The following ANKRD36C variants were observed in gnomAD, a reference collection of about 807,000 sequenced individuals.
ANKRD36C encodes ankyrin repeat domain 36C.
Under a neutral mutation model 276.4 loss-of-function variants are expected in ANKRD36C, and 61 were observed. The ratio of observed to expected loss-of-function variants is 0.22; its 90% CI spans 0.18 to 0.27. ANKRD36C has a LOEUF of 0.27. ANKRD36C is among the 10% of genes least tolerant of loss of function. The probability of loss-of-function intolerance (pLI) is 1.00; values close to 1 mark genes in which losing one functional copy is unlikely to be tolerated. For missense variants in ANKRD36C, 1,447 were observed against 2,032.3 expected, an observed-to-expected ratio of 0.71 and a Z score of 5.54; for synonymous variants, 483 against 680.1, an observed-to-expected ratio of 0.71 and a Z score of 4.51.
At chr2:95,984,649 G>T (rs1678993205) in intron 3 of ANKRD36C, among the ~76,000 whole-genome samples, 1 of 151,862 alleles carries the variant, frequency 6.6e-6, no homozygotes, top group Admixed American at 6.6e-5. Flanking sequence ...TACCCACTTT[G>T]AGCACTTTTA....
At chr2:95,982,607 A>G (rs1175486140) in intron 3 of ANKRD36C, among the ~76,000 whole-genome samples, 1 of 112,314 alleles carries the variant, frequency 8.9e-6, no homozygotes, top group Non-Finnish European at 1.8e-5. Context: ...CCCAGTTCCA[A>G]GAATCTTTGC....
chr2:95,855,158 T>C, intron 63 of ANKRD36C, 108 bp downstream of exon 83: 1 of 1,398,492 alleles, frequency 7.2e-7, no homozygotes, highest in Admixed American at 2.8e-5. Flanking sequence ...ATTTATCATA[T>C]GTATCCTTTT....
At chr2:95,875,076 T>C (rs1055500042) in intron 59 of ANKRD36C, among the ~76,000 whole-genome samples, 5 of 152,184 alleles carry the variant, frequency 3.3e-5, no homozygotes, top group Non-Finnish European at 7.3e-5. Context: ...TTTTACACTG[T>C]TGGTGGGACT....
At chr2:95,873,423 A>G (rs1486054075) in intron 59 of ANKRD36C, among the ~76,000 whole-genome samples, 1 of 152,244 alleles carries the variant, frequency 6.6e-6, no homozygotes, top group Admixed American at 6.5e-5. Flanking sequence ...AAACCACATG[A>G]TTATCTCAAT....
At chr2:95,849,705 T>C (rs1253956167), downstream of ANKRD36C, among the ~76,000 whole-genome samples, 1 of 152,214 alleles carries the variant, frequency 6.6e-6, no homozygotes, top group Non-Finnish European at 1.5e-5. Context: ...CAATGACATA[T>C]CATCAGGCAT....
intron 38 of ANKRD36C, among the ~76,000 whole-genome samples, chr2:95,915,443 T>C (rs998392415): frequency 4.0e-5 from 6 of 151,494 alleles, no homozygotes; most frequent in Admixed American, 3.3e-4. Flanking sequence ...GCATCTGAAG[T>C]GAGTTCACTC....
In ANKRD36C at chr2:95,974,749, C is replaced by G. The variant is rs571261755; in HGVS notation, c.799+3373G>C. 3.3e-5 allele frequency among the ~76,000 whole-genome samples: 5 copies of G among 151,156 alleles called. 1 individual carries two copies. The East Asian group carries it at 9.8e-4, about 30-fold the overall frequency. ...ACATGTGCCATGTTGGTGTGCTGCA[C>G]CCAATACCTCATCATTTAGCATTAG... On this transcript the variant is annotated intron_variant, in intron 6 of 66. Coordinates refer to ENST00000456556, the Ensembl canonical transcript of ANKRD36C.
At chr2:95,959,240 A>T (rs1678401229) in intron 10 of ANKRD36C, among the ~76,000 whole-genome samples, 1 of 152,010 alleles carries the variant, frequency 6.6e-6, no homozygotes, top group Non-Finnish European at 1.5e-5. Context: ...ACAATTGAGC[A>T]GGTAAACAAG....
intron 42 of ANKRD36C, 93 bp downstream of exon 46, chr2:95,910,280 C>A: frequency 7.4e-7 from 1 of 1,348,012 alleles, no homozygotes; most frequent in South Asian, 1.3e-5. Context: ...TCAGAAAGTG[C>A]AGCTTCGACG....
chr2:95,914,763 C>T (rs1677041993), intron 38 of ANKRD36C, among the ~76,000 whole-genome samples: 1 of 151,478 alleles, frequency 6.6e-6, no homozygotes, highest in African/African-American at 2.4e-5. Flanking sequence ...AGAAGGCACA[C>T]AATTCCGATG....
intron 6 of ANKRD36C, among the ~76,000 whole-genome samples, chr2:95,974,315 T>C (rs1479647009): frequency 6.6e-6 from 1 of 152,150 alleles, no homozygotes; most frequent in Non-Finnish European, 1.5e-5. Flanking sequence ...TCACTTACAC[T>C]GTCACTGTGC....
intron 59 of ANKRD36C, chr2:95,875,922 T>A (rs1181404857): frequency 5.0e-6 from 2 of 398,396 alleles, no homozygotes; most frequent in Non-Finnish European, 9.9e-6. Flanking sequence ...ATTCTCTTGA[T>A]AGCCAGTTGG....
chr2:95,891,818 G>C lies in ANKRD36C; in HGVS notation c.2784+14C>G, dbSNP rs1360039353. The C allele has an allele frequency of 2.6e-5, 41 of 1,559,404 alleles. No individual in the cohort carries two copies. The highest frequency in any genetic ancestry group is 3.2e-5 in the Non-Finnish European group (37 of 1,151,948). ...ACATTTACTAGTTCACAATATAAAT[G>C]ACAGTTTCATTACCTTCAAGCCTGA... On this transcript the variant is annotated intron_variant, in intron 45 of 66. Coordinates refer to ENST00000456556, the Ensembl canonical transcript of ANKRD36C.
intron 44 of ANKRD36C, 97 bp from the exon 63 acceptor site, chr2:95,893,821 C>G (rs1197216205): frequency 2.7e-5 from 42 of 1,582,076 alleles, no homozygotes; most frequent in East Asian, 4.6e-5. Flanking sequence ...GTCCTCCTGC[C>G]TGTATTAGCG....
intron 58 of ANKRD36C, among the ~76,000 whole-genome samples, 153 bp from the exon 79 acceptor site, chr2:95,876,665 C>A (rs1675963779): frequency 6.6e-6 from 1 of 151,170 alleles, no homozygotes; most frequent in African/African-American, 2.4e-5. Flanking sequence ...TCCTGGCTAA[C>A]AAGGTGAAAC....
chr2:95,893,265 G>A (rs917684809), intron 44 of ANKRD36C, among the ~76,000 whole-genome samples: 4 of 151,098 alleles, frequency 2.6e-5, no homozygotes, highest in African/African-American at 2.4e-5. Flanking sequence ...GCAAAACTAT[G>A]CTGTTCCCCA....
chr2:95,915,617 T>C (rs2104408872), intron 38 of ANKRD36C, among the ~76,000 whole-genome samples: 1 of 151,582 alleles, frequency 6.6e-6, no homozygotes, highest in Non-Finnish European at 1.5e-5. Context: ...TTTCTGTCTG[T>C]TTTTAGCCCT....
At chr2:95,939,486 A>T (rs1336076448) in intron 20 of ANKRD36C, among the ~76,000 whole-genome samples, 1 of 152,304 alleles carries the variant, frequency 6.6e-6, no homozygotes, top group African/African-American at 2.4e-5. Context: ...CGGGCAGATC[A>T]CGAAGTCAGG....
intron 26 of ANKRD36C, 61 bp from the exon 27 acceptor site, chr2:95,927,470 T>C: frequency 6.2e-7 from 1 of 1,600,496 alleles, no homozygotes; most frequent in Non-Finnish European, 8.5e-7. Context: ...TATCCATACA[T>C]TCATGAAGTG....
Sources: gnomAD v4.1 joint callset for allele counts (sites outside exome capture counted in the v4.1 genomes callset) on GRCh38, gnomAD v4.1.1 for gene constraint, MANE v1.5 for transcripts, NCBI Gene and HGNC (gene_info 2026-07-23, HGNC 2026-07-21) for gene names.